PRKCQ: variants seen among roughly 807,000 people sequenced by gnomAD.
PRKCQ encodes protein kinase C theta type.
PRKCQ carries 41 observed loss-of-function variants against 91.2 expected under a neutral mutation model. The ratio of observed to expected loss-of-function variants is 0.45; its 90% CI spans 0.35 to 0.58. PRKCQ has a LOEUF of 0.58. Ranked by LOEUF, PRKCQ falls within the 20% of genes least tolerant of loss-of-function variation. PRKCQ has a pLI of 0.00. For synonymous variants in PRKCQ, 307 were observed against 316.9 expected (o/e 0.97, Z 0.33); for missense variants, 673 against 896.5 (o/e 0.75, Z 3.18).
At chr10:6,410,649 A>C in the PRKCQ span, among the ~76,000 whole-genome samples, 1 of 152,126 alleles carries the variant, frequency 6.6e-6, no homozygotes, top group Non-Finnish European at 1.5e-5. Context: ...AGGTAGACAA[A>C]ATGTCTTACA....
intron 2 of PRKCQ, 95 bp downstream of exon 2, chr10:6,514,923 A>C: frequency 6.3e-7 from 1 of 1,580,158 alleles, no homozygotes; most frequent in Non-Finnish European, 8.6e-7. Context: ...GTTCCACCAG[A>C]TGATGTCAAA....
At chr10:6,532,369 C>G (rs1416722348) in intron 1 of PRKCQ, among the ~76,000 whole-genome samples, 1 of 152,216 alleles carries the variant, frequency 6.6e-6, no homozygotes, top group East Asian at 1.9e-4. Context: ...TGGCAAATGT[C>G]AAGCTTCTAC....
chr10:6,538,718 A>G (rs969201316), intron 1 of PRKCQ, among the ~76,000 whole-genome samples: 1 of 152,158 alleles, frequency 6.6e-6, no homozygotes, highest in African/African-American at 2.4e-5. Flanking sequence ...TGATTTTCCT[A>G]GTTCAGATTT....
intron 12 of PRKCQ, among the ~76,000 whole-genome samples, chr10:6,474,172 C>T (rs1469124677): frequency 6.6e-6 from 1 of 152,170 alleles, no homozygotes; most frequent in Non-Finnish European, 1.5e-5. Context: ...GAATGTTCAA[C>T]TGGTGCATAT....
At chr10:6,579,837 ATTTTT>A (rs3086770) in intron 1 of PRKCQ, among the ~76,000 whole-genome samples, 2 of 136,992 alleles carry the variant, frequency 1.5e-5, no homozygotes, top group African/African-American at 2.7e-5. Context: ...TTCCTCACGC[ATTTTT>A]TTTTTTTTTT....
At chr10:6,534,073 T>C (rs1480394376) in intron 1 of PRKCQ, among the ~76,000 whole-genome samples, 1 of 136,156 alleles carries the variant, frequency 7.3e-6, no homozygotes, top group Non-Finnish European at 1.6e-5. Context: ...AATTGCAAAA[T>C]ATGTGGCAAA....
At chr10:6,424,653 C>A (rs746537288), downstream of PRKCQ, among the ~76,000 whole-genome samples, 2 of 152,156 alleles carry the variant, frequency 1.3e-5, no homozygotes, top group African/African-American at 2.4e-5. Flanking sequence ...AGAGCTCAGA[C>A]CCCTGCCTGC....
chr10:6,555,558 G>T (rs1156915682), intron 1 of PRKCQ, among the ~76,000 whole-genome samples: 1 of 152,190 alleles, frequency 6.6e-6, no homozygotes, highest in Non-Finnish European at 1.5e-5. Context: ...GTATGCGTAT[G>T]ATAAAGAAAA....
chr10:6,568,939 T>G (rs1252295818), intron 1 of PRKCQ, among the ~76,000 whole-genome samples: 1 of 152,076 alleles, frequency 6.6e-6, no homozygotes, highest in Non-Finnish European at 1.5e-5. Flanking sequence ...TCTAAACATT[T>G]CCCACCCCCT....
intron 4 of PRKCQ, among the ~76,000 whole-genome samples, chr10:6,506,879 C>T (rs72781786): frequency 0.11 from 16,857 of 152,154 alleles, 1,167 homozygotes; most frequent in Non-Finnish European, 0.16. Context: ...CACATCGTAC[C>T]GGGAAATTTC....
intron 14 of PRKCQ, among the ~76,000 whole-genome samples, chr10:6,461,850 A>G (rs1211822603): frequency 6.6e-6 from 1 of 152,230 alleles, no homozygotes; most frequent in Non-Finnish European, 1.5e-5. Flanking sequence ...ATTGAGATAC[A>G]ATAGTGTCAA....
chr10:6,529,358 G>T (rs537135108), intron 1 of PRKCQ, among the ~76,000 whole-genome samples: 208 of 152,302 alleles, frequency 1.4e-3, no homozygotes, highest in African/African-American at 4.8e-3. Flanking sequence ...CCTTCTCTCT[G>T]ACTCTACCAT....
At chr10:6,525,673 C>A (rs1436214951) in intron 1 of PRKCQ, among the ~76,000 whole-genome samples, 2 of 152,212 alleles carry the variant, frequency 1.3e-5, no homozygotes, top group African/African-American at 4.8e-5. Context: ...GTCCCAGACA[C>A]TCTTACTCTA....
chr10:6,402,404 A>C, the PRKCQ span, among the ~76,000 whole-genome samples: 4 of 139,884 alleles, frequency 2.9e-5, no homozygotes, highest in Non-Finnish European at 4.6e-5. Context: ...GCTGAGCTTC[A>C]TCTATTCCTT....
At chr10:6,549,109 C>G (rs143229223) in intron 1 of PRKCQ, among the ~76,000 whole-genome samples, 1 of 152,090 alleles carries the variant, frequency 6.6e-6, no homozygotes. Context: ...AGCGATGGAA[C>G]AGCTCTGAAA....
chr10:6,533,543 C>T (rs906472425), intron 1 of PRKCQ, among the ~76,000 whole-genome samples: 4 of 152,244 alleles, frequency 2.6e-5, no homozygotes, highest in South Asian at 4.1e-4. Flanking sequence ...TGAGATGGAT[C>T]CACCATTACA....
At chr10:6,513,122 C>A (rs958325679) in intron 2 of PRKCQ, among the ~76,000 whole-genome samples, 5 of 152,184 alleles carry the variant, frequency 3.3e-5, no homozygotes, top group Non-Finnish European at 5.9e-5. Context: ...AGGGCCCTAT[C>A]TATGTAGAGT....
chr10:6,575,988 T>C (rs188043329), intron 1 of PRKCQ, among the ~76,000 whole-genome samples: 2 of 152,168 alleles, frequency 1.3e-5, no homozygotes, highest in Admixed American at 1.3e-4. Context: ...TGCAGTGAGC[T>C]GAGATCATGC....
chr10:6,562,612 T>G (rs1366317356), intron 1 of PRKCQ, among the ~76,000 whole-genome samples: 1 of 152,228 alleles, frequency 6.6e-6, no homozygotes, highest in Non-Finnish European at 1.5e-5. Flanking sequence ...TTCTCAGAAT[T>G]AACTCCAATG....
Sources: gnomAD v4.1 joint callset for allele counts (sites outside exome capture counted in the v4.1 genomes callset) on GRCh38, gnomAD v4.1.1 for gene constraint, MANE v1.5 for transcripts, NCBI Gene and HGNC (gene_info 2026-07-23, HGNC 2026-07-21) for gene names.